PCDHGB2: variants seen among roughly 807,000 people sequenced by gnomAD.
PCDHGB2 encodes protocadherin gamma-B2.
Under a neutral mutation model 59.3 loss-of-function variants are expected in PCDHGB2, and 55 were observed. The ratio of observed to expected loss-of-function variants is 0.93; its 90% confidence interval spans 0.75 to 1.16. PCDHGB2 has a LOEUF of 1.16. PCDHGB2 is among the 50% of genes most tolerant of loss of function. PCDHGB2 has a pLI of 0.00. For missense variants in PCDHGB2, 1,228 were observed against 1,198.5 expected, an observed-to-expected ratio of 1.02 and a Z score of -0.36; for synonymous variants, 516 against 512.0, an observed-to-expected ratio of 1.01 and a Z score of -0.11.
At position 141,478,208 on chromosome 5, in the gene PCDHGB2, C is replaced by G. The variant is rs200735608; in HGVS notation, c.2422-16599C>G. The G allele has an allele frequency of 2.5e-6, 4 of 1,614,096 alleles. No individual in the cohort carries two copies. The East Asian group carries it at 8.9e-5, about 36-fold the overall frequency. ...TCTCACCTTTTATCTACTTCTTTCTCTAATCCTGGTTTCTGTGGGGTTTGT... is the reference window on the plus strand; with the variant it reads ...TCTCACCTTTTATCTACTTCTTTCTGTAATCCTGGTTTCTGTGGGGTTTGT... On this transcript the variant is annotated intron_variant, in intron 1 of 3. Coordinates refer to ENST00000522605, the MANE Select transcript of PCDHGB2 (RefSeq NM_018923.3).
At chr5:141,444,880 G>C (rs527554886) in intron 1 of PCDHGB2, among the ~76,000 whole-genome samples, 5 of 152,268 alleles carry the variant, frequency 3.3e-5, no homozygotes, top group Admixed American at 1.3e-4. Flanking sequence ...AAGCTTGTAG[G>C]ATTTTTGAAT....
At chr5:141,420,453 C>A (rs1026053173) in intron 1 of PCDHGB2, 76 of 977,580 alleles carry the variant, frequency 7.8e-5, no homozygotes, top group Non-Finnish European at 8.8e-5. Context: ...AGTCTTCCTA[C>A]TATTCAAAGA....
chr5:141,394,807 C>G (rs943252788), intron 1 of PCDHGB2: 3 of 1,613,886 alleles, frequency 1.9e-6, no homozygotes, highest in African/African-American at 2.7e-5. Context: ...GTAGCCGTGG[C>G]TGACAGCATC....
Position 141,489,173 on chromosome 5 carries a change from C to T in PCDHGB2, c.2422-5634C>T. 8.3e-7 allele frequency: 1 copy of T among 1,208,434 alleles called. No individual in the cohort carries two copies. Among genetic ancestry groups the T allele is most frequent in the Non-Finnish European group, 1.2e-6 (1 of 860,944 alleles). The allele number at this position is 1,208,434 out of a possible 1,614,324, so 74.9% of individuals were successfully genotyped here. ...CATAAGAGACTTCAGCTGCTGCATTCCAAGCCCTGGGTCTACCTTGGAGAC... is the reference window on the plus strand; with the variant it reads ...CATAAGAGACTTCAGCTGCTGCATTTCAAGCCCTGGGTCTACCTTGGAGAC... On this transcript the variant is annotated intron_variant, in intron 1 of 3. Coordinates refer to ENST00000522605, the MANE Select transcript of PCDHGB2 (RefSeq NM_018923.3). The surrounding 1 kb of genome is among the most constrained non-coding windows in gnomAD (Gnocchi z 4.5).
At chr5:141,377,717 T>C (rs1025721438) in intron 1 of PCDHGB2, 1 of 152,222 alleles carries the variant, frequency 6.6e-6, no homozygotes, top group African/African-American at 2.4e-5. Context: ...AAATTATTTT[T>C]GAAAAGATAA....
Position 141,376,131 on chromosome 5 carries a change from A to T in PCDHGB2, c.2421+13575A>T, listed in dbSNP as rs200974904. ...CTGGGCAGCCTCGAGCCCTCCGCCA[A>T]ACCCAACGATTCGGACCTCACTCTG... On this transcript the variant is annotated intron_variant, in intron 1 of 3. Transcript: ENST00000522605. 6.9e-4 allele frequency: 1,114 copies of T among 1,613,772 alleles called. 8 individuals carry two copies. Among genetic ancestry groups the T allele is most frequent in the South Asian group, 4.3e-3 (393 of 91,038 alleles).
chr5:141,448,818 G>A (rs2098609016), intron 1 of PCDHGB2, among the ~76,000 whole-genome samples: 1 of 151,984 alleles, frequency 6.6e-6, no homozygotes, highest in Admixed American at 6.6e-5. Context: ...GATGGCGGGC[G>A]CCTGTAGTCC....
intron 1 of PCDHGB2, chr5:141,415,051 C>G: frequency 6.2e-7 from 1 of 1,613,458 alleles, no homozygotes; most frequent in Non-Finnish European, 8.5e-7. Context: ...GGTGGGGGAG[C>G]ACACGGGCGA....
intron 1 of PCDHGB2, among the ~76,000 whole-genome samples, chr5:141,454,907 A>T (rs1304287479): frequency 1.4e-5 from 2 of 139,080 alleles, no homozygotes; most frequent in East Asian, 4.3e-4. Context: ...TCCCGGGTTC[A>T]CGCCATTCTC....
intron 1 of PCDHGB2, chr5:141,367,569 TAA>T (rs1765234769): frequency 6.6e-6 from 1 of 151,200 alleles, no homozygotes; most frequent in Middle Eastern, 3.4e-3. Context: ...AATAAATAAA[TAA>T]ATATCAGAAA....
At chr5:141,409,054 T>C (rs1314214077) in intron 1 of PCDHGB2, 2 of 1,613,910 alleles carry the variant, frequency 1.2e-6, no homozygotes, top group Non-Finnish European at 1.7e-6. Flanking sequence ...TCCGAAGCAC[T>C]GCCCAGAGCA....
Position 141,493,685 on chromosome 5 carries a change from G to A in PCDHGB2, c.2422-1122G>A, listed in dbSNP as rs139973755. ...CCATGGCAGCCCCAGAATGGTGCTG[G>A]TGACTCCCGATACACCTGGAATGCT... On this transcript the variant is annotated intron_variant, in intron 1 of 3. Transcript: ENST00000522605. The surrounding 1 kb of genome is among the most constrained non-coding windows in gnomAD (Gnocchi z 4.3). 1.1e-3 allele frequency among the ~76,000 whole-genome samples: 165 copies of A among 152,282 alleles called. 3 individuals carry two copies. The highest frequency in any genetic ancestry group is 8.2e-3 in the Admixed American group (125 of 15,298).
intron 1 of PCDHGB2, chr5:141,366,742 G>C: frequency 6.2e-7 from 1 of 1,611,864 alleles, no homozygotes; most frequent in Non-Finnish European, 8.5e-7. Flanking sequence ...AAGAAGAACG[G>C]CGAGTTCAGG....
At chr5:141,456,701 G>C (rs370086323) in intron 1 of PCDHGB2, among the ~76,000 whole-genome samples, 1 of 151,988 alleles carries the variant, frequency 6.6e-6, no homozygotes. Flanking sequence ...GTGGTGGCTC[G>C]CGCCTGTAAT....
intron 1 of PCDHGB2, chr5:141,389,725 TC>T (rs756659208): frequency 1.2e-6 from 2 of 1,612,726 alleles, no homozygotes; most frequent in East Asian, 4.5e-5. Flanking sequence ...GAGCCCGGGC[TC>T]TTCAGCCTGG....
intron 1 of PCDHGB2, chr5:141,412,160 G>T (rs952899384): frequency 2.0e-5 from 3 of 152,212 alleles, no homozygotes; most frequent in Middle Eastern, 3.2e-3. Flanking sequence ...TAAGAGAAGA[G>T]ATTATTTATA....
chr5:141,403,038 G>A, intron 1 of PCDHGB2: 1 of 1,614,088 alleles, frequency 6.2e-7, no homozygotes, highest in Non-Finnish European at 8.5e-7. Context: ...GCCAGGGCCA[G>A]TCAGATTCGC....
chr5:141,450,826 A>ATTTT (rs764729742), intron 1 of PCDHGB2, among the ~76,000 whole-genome samples: 5 of 134,360 alleles, frequency 3.7e-5, no homozygotes, highest in East Asian at 2.1e-4. Flanking sequence ...TATTATTATT[A>ATTTT]TTATTTTTTT....
rs924491576 is a variant in PCDHGB2, at chr5:141,491,579, C to T, written c.2422-3228C>T. On this transcript the variant is annotated intron_variant, in intron 1 of 3. Coordinates refer to ENST00000522605, the MANE Select transcript of PCDHGB2 (RefSeq NM_018923.3). This position sits in a 1 kb window ranked among gnomAD's most constrained non-coding sequence, Gnocchi z 6.9. ...CACTGCTACAGGACGTGCTTTTCAC[C>T]GGCCTCGGACGGCAGTGACTTCACT... is the stretch of plus-strand genomic sequence containing the variant. 18 of 1,613,810 alleles carry T rather than the reference C, an allele frequency of 1.1e-5. No homozygotes were observed. Among genetic ancestry groups the T allele is most frequent in the Non-Finnish European group, 1.4e-5 (17 of 1,180,044 alleles).
Sources: gnomAD v4.1 joint callset for allele counts (sites outside exome capture counted in the v4.1 genomes callset) on GRCh38, gnomAD v4.1.1 for gene constraint, Gnocchi (gnomAD v3.1) non-coding constraint, MANE v1.5 for transcripts, NCBI Gene and HGNC (gene_info 2026-07-23, HGNC 2026-07-21) for gene names.